The following NCKAP5 variants were observed in gnomAD, a reference collection of about 807,000 sequenced individuals.
NCKAP5 encodes the protein NCK associated protein 5, also known as nck-associated protein 5.
Under a neutral mutation model 167.0 loss-of-function variants are expected in NCKAP5, and 92 were observed. The ratio of observed to expected loss-of-function variants is 0.55; its 90% CI spans 0.47 to 0.66. The LOEUF is 0.66. Among genes scored for constraint, NCKAP5 ranks in the 30% least tolerant of loss-of-function variants. The pLI, the probability that NCKAP5 is intolerant of heterozygous loss-of-function variation, is 0.00. For synonymous variants in NCKAP5, 891 were observed against 877.4 expected (o/e 1.02, Z -0.27); for missense variants, 2,378 against 2,315.0 (o/e 1.03, Z -0.56).
intron 5 of NCKAP5, among the ~76,000 whole-genome samples, chr2:133,136,673 A>G (rs967131621): frequency 2.0e-5 from 3 of 152,246 alleles, no homozygotes; most frequent in Non-Finnish European, 2.9e-5. Context: ...GTACTCTTGG[A>G]TAATAAGAGG....
intron 6 of NCKAP5, among the ~76,000 whole-genome samples, chr2:133,061,139 G>A (rs1323117100): frequency 6.6e-6 from 1 of 151,800 alleles, no homozygotes; most frequent in Non-Finnish European, 1.5e-5. Context: ...CTAGACTGTA[G>A]AGAAATTTGA....
intron 8 of NCKAP5, chr2:132,926,282 C>T (rs1695882525): frequency 9.2e-6 from 2 of 218,378 alleles, no homozygotes; most frequent in Middle Eastern, 9.3e-4. Flanking sequence ...TTTCTTTATC[C>T]ACTCATCCAC....
chr2:133,515,770 C>A (rs553999899), intron 3 of NCKAP5, among the ~76,000 whole-genome samples: 2 of 152,214 alleles, frequency 1.3e-5, no homozygotes, highest in African/African-American at 4.8e-5. Flanking sequence ...CAAGTACCTA[C>A]GATCCCCATT....
At chr2:133,613,123 C>T in the NCKAP5 span, among the ~76,000 whole-genome samples, 6 of 152,138 alleles carry the variant, frequency 3.9e-5, no homozygotes, top group Non-Finnish European at 7.3e-5. Context: ...CCTTACCTCT[C>T]CAAGAATCAT....
chr2:133,631,712 T>TA, the NCKAP5 span, among the ~76,000 whole-genome samples: 3 of 152,210 alleles, frequency 2.0e-5, no homozygotes, highest in South Asian at 6.2e-4. Context: ...AAGTCTTCCA[T>TA]CCTCATGGCC....
chr2:133,648,162 G>A, the NCKAP5 span, among the ~76,000 whole-genome samples: 9 of 151,522 alleles, frequency 5.9e-5, no homozygotes, highest in African/African-American at 2.2e-4. Flanking sequence ...TAATAAAAGG[G>A]CTAATCCACC....
chr2:132,678,826 C>T (rs2105012830), intron 19 of NCKAP5, among the ~76,000 whole-genome samples: 1 of 152,280 alleles, frequency 6.6e-6, no homozygotes, highest in Non-Finnish European at 1.5e-5. Flanking sequence ...TGTATTACCC[C>T]AGGTTTTTAA....
rs183242169 is a variant in NCKAP5 at position 132,714,673 on chromosome 2, C to T, written c.5713+10954G>A. Among the ~76,000 whole-genome samples, 16 of 152,068 alleles carry T rather than the reference C, an allele frequency of 1.1e-4. No homozygotes were observed. In the East Asian group the frequency reaches 3.1e-3, roughly 30 times the overall value. On this transcript the variant is annotated intron_variant, in intron 19 of 19. Transcript: ENST00000409261. The stretch of plus-strand genomic sequence containing the variant: ...TCTCTACTAAAAATACAAAATTAGC[C>T]GGGCATGGTGGCGCATGCCTCTAAT...
chr2:132,827,755 T>C (rs1218024337), intron 11 of NCKAP5, among the ~76,000 whole-genome samples: 31 of 152,242 alleles, frequency 2.0e-4, no homozygotes, highest in Admixed American at 2.0e-3. Flanking sequence ...ATTCTCGGTC[T>C]GTGCTTTCTC....
At chr2:133,295,395 C>T (rs1574628577) in intron 4 of NCKAP5, among the ~76,000 whole-genome samples, 1 of 152,060 alleles carries the variant, frequency 6.6e-6, no homozygotes. Context: ...CACATGTTAG[C>T]AGGATTAATG....
chr2:133,005,202 G>A (rs1030073635), intron 6 of NCKAP5, among the ~76,000 whole-genome samples: 1 of 152,186 alleles, frequency 6.6e-6, no homozygotes, highest in Non-Finnish European at 1.5e-5. Context: ...GAAATTATAA[G>A]AGTATTGATT....
chr2:133,469,221 C>G (rs1245000568), intron 3 of NCKAP5, among the ~76,000 whole-genome samples: 2 of 151,898 alleles, frequency 1.3e-5, no homozygotes, highest in Admixed American at 1.3e-4. Flanking sequence ...GACAAAATCT[C>G]TCAGCATTTG....
intron 4 of NCKAP5, among the ~76,000 whole-genome samples, chr2:133,225,797 T>C (rs2086858962): frequency 7.2e-6 from 1 of 138,970 alleles, no homozygotes; most frequent in African/African-American, 2.8e-5. Context: ...TTTTTTTTTT[T>C]TTTTTTTTCG....
At chr2:133,306,709 T>C (rs553212412) in intron 3 of NCKAP5, among the ~76,000 whole-genome samples, 1 of 152,220 alleles carries the variant, frequency 6.6e-6, no homozygotes, top group East Asian at 1.9e-4. Context: ...ATTCTTATTA[T>C]GAGGTGACTC....
intron 2 of NCKAP5, among the ~76,000 whole-genome samples, chr2:133,518,624 G>A (rs1292370583): frequency 6.6e-6 from 1 of 151,930 alleles, no homozygotes; most frequent in Non-Finnish European, 1.5e-5. Context: ...AAAGTACTGG[G>A]ATTACAGGCA....
chr2:133,237,154 C>T (rs184137548), intron 4 of NCKAP5, among the ~76,000 whole-genome samples: 122 of 152,012 alleles, frequency 8.0e-4, no homozygotes, highest in Admixed American at 2.4e-3. Flanking sequence ...TATGAAACAT[C>T]AGTGCATTGC....
At chr2:132,801,709 C>T (rs565500386) in intron 11 of NCKAP5, among the ~76,000 whole-genome samples, 8 of 152,248 alleles carry the variant, frequency 5.3e-5, no homozygotes, top group Admixed American at 2.0e-4. Context: ...TACATTGGGT[C>T]GGTAATATTT....
intron 3 of NCKAP5, among the ~76,000 whole-genome samples, chr2:133,411,893 A>C (rs1392754443): frequency 6.6e-6 from 1 of 152,172 alleles, no homozygotes; most frequent in East Asian, 1.9e-4. Flanking sequence ...CACACACTTA[A>C]GAATCACCAT....
At chr2:132,820,447 C>T (rs1262507438) in intron 11 of NCKAP5, among the ~76,000 whole-genome samples, 4 of 152,008 alleles carry the variant, frequency 2.6e-5, no homozygotes, top group African/African-American at 9.7e-5. Flanking sequence ...CCAGGATGGT[C>T]TCGATCTCCT....
Sources: gnomAD v4.1 joint callset for allele counts (sites outside exome capture counted in the v4.1 genomes callset) on GRCh38, gnomAD v4.1.1 for gene constraint, MANE v1.5 for transcripts, NCBI Gene and HGNC (gene_info 2026-07-23, HGNC 2026-07-21) for gene names.